The following PGLYRP4 variants were observed in gnomAD, a reference collection of about 807,000 sequenced individuals.
The protein encoded by PGLYRP4 is PGRP-I-beta.
PGLYRP4 carries 39 observed loss-of-function variants against 41.2 expected under a neutral mutation model. The observed-to-expected ratio is 0.95, with a 90% CI of 0.73 to 1.24. PGLYRP4 has a LOEUF of 1.24. Among genes scored for constraint, PGLYRP4 ranks in the 50% most tolerant of loss-of-function variants. The pLI, the probability that PGLYRP4 is intolerant of heterozygous loss-of-function variation, is 0.00. For missense variants in PGLYRP4, 467 were observed against 460.7 expected (o/e 1.01, Z -0.13); for synonymous variants, 202 against 186.8 (o/e 1.08, Z -0.66).
At chr1:153,338,112 G>A (rs563889073) in intron 7 of PGLYRP4, among the ~76,000 whole-genome samples, 13 of 152,030 alleles carry the variant, frequency 8.6e-5, no homozygotes, top group Non-Finnish European at 1.5e-4. Context: ...CATCTTCTTC[G>A]TCACCTGTTC....
At chr1:153,338,332 T>G (rs1170464012) in intron 7 of PGLYRP4, among the ~76,000 whole-genome samples, 1 of 152,284 alleles carries the variant, frequency 6.6e-6, no homozygotes, top group Non-Finnish European at 1.5e-5. Flanking sequence ...TCCACTTATC[T>G]CTGTAACCTC....
chr1:153,340,900 T>A (rs771312158), intron 6 of PGLYRP4, among the ~76,000 whole-genome samples: 23 of 152,266 alleles, frequency 1.5e-4, no homozygotes, highest in Non-Finnish European at 3.1e-4. Context: ...ATAATAGAGA[T>A]GAATCTTCTT....
intron 5 of PGLYRP4, among the ~76,000 whole-genome samples, chr1:153,342,318 C>A (rs141176384): frequency 3.2e-4 from 49 of 152,294 alleles, no homozygotes; most frequent in African/African-American, 1.1e-3. Context: ...GCTGGGGAAA[C>A]CACCCAGGAG....
At chr1:153,335,731 A>AAATG (rs71584105) in intron 8 of PGLYRP4, among the ~76,000 whole-genome samples, 1 of 150,772 alleles carries the variant, frequency 6.6e-6, no homozygotes, top group Non-Finnish European at 1.5e-5. Context: ...CTAAATAAAT[A>AAATG]AATAAATAAA....
Position 153,341,618 on chromosome 1 carries a change from A to G in PGLYRP4, c.625+9T>C, listed in dbSNP as rs879264372. 1.9e-6 allele frequency: 3 copies of G among 1,607,548 alleles called. No individual in the cohort carries two copies. Among genetic ancestry groups the G allele is most frequent in the Non-Finnish European group, 2.5e-6 (3 of 1,177,144 alleles). On this transcript the variant is annotated intron_variant, in intron 6 of 8. Transcript: ENST00000359650. ...TGGCAGGCCCAGTAGGGCTGAAGAA[A>G]GGTCTTACCCTTCTTCAGGCTTGTC...
chr1:153,330,396 G>T lies in PGLYRP4; in HGVS notation c.*371C>A. 1 of 171,662 alleles carries T rather than the reference G, an allele frequency of 5.8e-6. No homozygotes were observed. Among genetic ancestry groups the T allele is most frequent in the Non-Finnish European group, 1.3e-5 (1 of 78,840 alleles). The allele number at this position is 171,662 out of a possible 1,614,324, so 10.6% of individuals were successfully genotyped here. ...TATGGGTGAGGGGTGATAGGTGGGA[G>T]GTGGGGGCTGCCAGGCAGACACCAG... is the stretch of plus-strand genomic sequence containing the variant. On this transcript the variant is annotated 3_prime_UTR_variant, in exon 9 of 9. Transcript: ENST00000359650.
At chr1:153,339,568 C>T (rs1218945561) in intron 7 of PGLYRP4, among the ~76,000 whole-genome samples, 1 of 152,146 alleles carries the variant, frequency 6.6e-6, no homozygotes, top group Non-Finnish European at 1.5e-5. Context: ...GTGAATTTTC[C>T]TGATGGGATG....
chr1:153,340,507 G>A lies in PGLYRP4; in HGVS notation c.698C>T (p.Ala233Val), dbSNP rs138238733. 3.9e-4 allele frequency: 622 copies of A among 1,614,126 alleles called. 1 individual carries two copies. The highest frequency in any genetic ancestry group is 3.9e-4 in the Non-Finnish European group (465 of 1,180,018). Residue 233 changes from alanine to valine, a missense_variant, in exon 7 of 9, where the codon GCG becomes GTG. Physicochemically the swap from Ala to Val is moderately conservative, Grantham distance 64. Transcript: ENST00000359650. ...ETHCPRMTLP[A>V]KYGIIIHTAG... Reference sequence around the variant, plus strand: ...AGTGTGGATAATGATGCCATACTTCGCTGGGAGAGTCATCCTGGGACAGTG... The same window carrying A: ...AGTGTGGATAATGATGCCATACTTCACTGGGAGAGTCATCCTGGGACAGTG...
In PGLYRP4 at chr1:153,345,190, C is replaced by T; in HGVS notation, c.332G>A (p.Ser111Asn). The T allele has an allele frequency of 6.2e-7, 1 of 1,612,730 alleles. No individual in the cohort carries two copies. The highest frequency in any genetic ancestry group is 8.5e-7 in the Non-Finnish European group (1 of 1,179,782). Residue 111 changes from serine to asparagine, a missense_variant, in exon 4 of 9, where the codon AGT becomes AAT. By Grantham distance (46) the Ser-to-Asn change is conservative. Transcript: ENST00000359650. ...ELQAHHVHNN[S>N]GCDVAYNFLV... is the part of the protein sequence containing the mutation. ...TTACTTGTAGGCCACATCACACCCA[C>T]TGTTGTTGTGGACATGATGGGCCTG...
At chr1:153,344,720 G>A (rs1471539792) in intron 4 of PGLYRP4, among the ~76,000 whole-genome samples, 1 of 152,150 alleles carries the variant, frequency 6.6e-6, no homozygotes, top group Non-Finnish European at 1.5e-5. Flanking sequence ...TGGTGTGGAG[G>A]AGCACGCCAG....
intron 2 of PGLYRP4, among the ~76,000 whole-genome samples, chr1:153,347,152 C>T (rs1272358923): frequency 6.6e-6 from 1 of 152,112 alleles, no homozygotes; most frequent in Admixed American, 6.5e-5. Context: ...CGGCTCACTA[C>T]AACCTCTGCC....
intron 3 of PGLYRP4, 32 bp downstream of exon 3, chr1:153,346,070 C>T (rs1339693210): frequency 3.3e-6 from 5 of 1,528,788 alleles, no homozygotes; most frequent in Non-Finnish European, 1.8e-6. Flanking sequence ...CAGCTCGTCC[C>T]AAAACCCCCT....
chr1:153,334,721 A>G (rs1660476978), intron 8 of PGLYRP4, among the ~76,000 whole-genome samples: 1 of 152,106 alleles, frequency 6.6e-6, no homozygotes, highest in Non-Finnish European at 1.5e-5. Context: ...TTCATATGGA[A>G]CTAAGAAAGA....
At position 153,330,935 on chromosome 1, in the gene PGLYRP4, G is replaced by T; in HGVS notation, c.954C>A (p.Pro318=). 2.5e-6 allele frequency: 4 copies of T among 1,613,078 alleles called. No individual in the cohort carries two copies. The highest frequency in any genetic ancestry group is 3.4e-6 in the Non-Finnish European group (4 of 1,179,296). The change falls in exon 9 of 9, where the codon CCC becomes CCA. Residue 318 remains proline (P), a synonymous_variant. Coordinates refer to ENST00000359650, the MANE Select transcript of PGLYRP4 (RefSeq NM_020393.4). ...TFMGTFTGIP[P]NAAALEAAQD... ...GGGCTGCCTCTAGTGCTGCAGCATT[G>T]GGTGGTATACCTGCAAAACACAGCA...
intron 8 of PGLYRP4, among the ~76,000 whole-genome samples, chr1:153,336,369 C>CAAAACAAGAAAAAAAAAAA (rs1660561733): frequency 1.3e-5 from 1 of 76,498 alleles, no homozygotes; most frequent in Non-Finnish European, 2.2e-5. Context: ...GACTCCATCT[C>CAAAACAAGAAAAAAAAAAA]AAAAAAAAAA....
At chr1:153,342,965 G>T in intron 5 of PGLYRP4, 125 bp downstream of exon 5, 1 of 575,958 alleles carries the variant, frequency 1.7e-6, no homozygotes, top group Non-Finnish European at 3.1e-6. Flanking sequence ...AAGAGAGAGT[G>T]GGTCTTCAGA....
intron 8 of PGLYRP4, 114 bp downstream of exon 8, chr1:153,337,067 A>G (rs1022327225): frequency 9.5e-6 from 8 of 840,458 alleles, no homozygotes; most frequent in East Asian, 4.9e-5. Flanking sequence ...AGCTGGGTCA[A>G]TCAAGCATAT....
rs1366278644 is a variant in PGLYRP4, at chr1:153,345,285, A to G, written c.237T>C (p.Leu79=). ...CCAGTCCAGGGACATGGTGTATAAC[A>G]AGGACATTCACTGGCGTGGTCAGCT... is the stretch of plus-strand genomic sequence containing the variant. The part of the protein sequence containing the change: ...SIQLTTPVNV[L]VIHHVPGLEC... The change falls in exon 4 of 9, where the codon CTT becomes CTC. Residue 79 remains leucine, a synonymous_variant. Transcript: ENST00000359650. The G allele has an allele frequency of 3.1e-6, 5 of 1,614,064 alleles. No individual in the cohort carries two copies. In the South Asian group the frequency reaches 5.5e-5, roughly 18 times the overall value.
chr1:153,347,073 T>G (rs1661041754), intron 2 of PGLYRP4, among the ~76,000 whole-genome samples: 1 of 152,122 alleles, frequency 6.6e-6, no homozygotes. Flanking sequence ...TTGTTTTGTT[T>G]TTTGTTTGTT....
Sources: gnomAD v4.1 joint callset for allele counts (sites outside exome capture counted in the v4.1 genomes callset) on GRCh38, gnomAD v4.1.1 for gene constraint, MANE v1.5 for transcripts, NCBI Gene and HGNC (gene_info 2026-07-23, HGNC 2026-07-21) for gene names.